PFKP: variants seen among roughly 807,000 people sequenced by gnomAD.
The protein encoded by PFKP is ATP-dependent 6-phosphofructokinase, platelet type.
In PFKP, 101 loss-of-function variants were observed where a neutral mutation model predicts 94.3. That is an observed-to-expected ratio of 1.07 (90% CI 0.91 to 1.26). The LOEUF (loss-of-function observed/expected upper bound fraction) is 1.26. Ranked by LOEUF, PFKP falls within the 50% of genes most tolerant of loss-of-function variation. The probability of loss-of-function intolerance (pLI) is 0.00; values close to 1 mark genes in which losing one functional copy is unlikely to be tolerated. For synonymous variants in PFKP, 573 were observed against 432.6 expected (o/e 1.32, Z -4.03); for missense variants, 1,145 against 1,103.3 (o/e 1.04, Z -0.53).
intron 1 of PFKP, 128 bp from the exon 2 acceptor site, chr10:3,082,260 C>T: frequency 1.7e-6 from 1 of 582,616 alleles, no homozygotes; most frequent in Non-Finnish European, 3.1e-6. Flanking sequence ...AGTGTGTGTA[C>T]CCATTTCTCA....
intron 16 of PFKP, among the ~76,000 whole-genome samples, chr10:3,125,917 C>G (rs79981427): frequency 6.6e-6 from 1 of 152,212 alleles, no homozygotes; most frequent in Non-Finnish European, 1.5e-5. Context: ...GCAGACAGGA[C>G]GGTGGCCACC....
intron 10 of PFKP, among the ~76,000 whole-genome samples, chr10:3,111,553 T>C (rs7922072): frequency 0.35 from 53,409 of 151,938 alleles, 9,551 homozygotes; most frequent in East Asian, 0.49. Flanking sequence ...ACCACTACTG[T>C]GCACCTGCTG....
At chr10:3,098,263 T>C (rs1187861880) in intron 2 of PFKP, among the ~76,000 whole-genome samples, 1 of 152,172 alleles carries the variant, frequency 6.6e-6, no homozygotes, top group East Asian at 1.9e-4. Context: ...AGTTATTCCT[T>C]CTTAAGATTA....
In PFKP at chr10:3,129,846, A is replaced by G; in HGVS notation, c.1711A>G (p.Ser571Gly). 6.2e-7 allele frequency: 1 copy of G among 1,613,594 alleles called. No individual in the cohort carries two copies. The highest frequency in any genetic ancestry group is 8.5e-7 in the Non-Finnish European group (1 of 1,179,978). The change falls in exon 17 of 22, where the codon AGC becomes GGC. Residue 571 changes from serine to glycine, a missense_variant. Coordinates refer to ENST00000381125, the MANE Select transcript of PFKP (RefSeq NM_002627.5). ...DTCDRIKQSA[S>G]GTKRRVFIIE... ...CTGCGACCGCATCAAGCAGTCCGCC[A>G]GCGGAACCAAGCGGCGCGTGTTCAT...
chr10:3,072,004 C>G (rs1832233613), intron 1 of PFKP, among the ~76,000 whole-genome samples: 2 of 152,192 alleles, frequency 1.3e-5, no homozygotes, highest in African/African-American at 4.8e-5. Flanking sequence ...GCTGCGCGTA[C>G]CTGCGTCTTC....
At chr10:3,124,826 C>G (rs971407921) in intron 16 of PFKP, among the ~76,000 whole-genome samples, 1 of 142,672 alleles carries the variant, frequency 7.0e-6, no homozygotes, top group Non-Finnish European at 1.5e-5. Context: ...GCAACCTGCT[C>G]CGTTGCCTGC....
chr10:3,072,818 A>G (rs953599069), intron 1 of PFKP, among the ~76,000 whole-genome samples: 1 of 151,958 alleles, frequency 6.6e-6, no homozygotes, highest in Non-Finnish European at 1.5e-5. Context: ...AAAGGTGAAG[A>G]TACGGTAACG....
intron 16 of PFKP, among the ~76,000 whole-genome samples, chr10:3,123,029 C>T (rs769437868): frequency 2.4e-4 from 37 of 152,282 alleles, no homozygotes; most frequent in East Asian, 5.8e-4. Flanking sequence ...TGGACACGTG[C>T]GTCCTCGTCC....
At chr10:3,123,821 G>T (rs1178375680) in intron 16 of PFKP, among the ~76,000 whole-genome samples, 1 of 152,270 alleles carries the variant, frequency 6.6e-6, no homozygotes, top group Non-Finnish European at 1.5e-5. Context: ...TGCAAAAACT[G>T]CCATGGCCAG....
intron 4 of PFKP, 101 bp from the exon 5 acceptor site, chr10:3,103,678 T>G: frequency 1.8e-6 from 2 of 1,139,742 alleles, no homozygotes; most frequent in Non-Finnish European, 1.3e-6. Context: ...TTAGAATGGT[T>G]GATTTCTCTA....
In PFKP at chr10:3,082,419, C is replaced by T. The variant is rs781469810; in HGVS notation, c.144C>T (p.Arg48=). The part of the protein sequence containing the change: ...GMNAAVRAVV[R]MGIYVGAKVY... Reference sequence around the variant, plus strand: ...ACGCTGCCGTCCGTGCCGTGGTGCGCATGGGTATCTACGTGGGGGCCAAGG... The same window carrying T: ...ACGCTGCCGTCCGTGCCGTGGTGCGTATGGGTATCTACGTGGGGGCCAAGG... The change falls in exon 2 of 22, where the codon CGC becomes CGT. Residue 48 remains arginine (R), a synonymous_variant. Coordinates refer to ENST00000381125, the MANE Select transcript of PFKP (RefSeq NM_002627.5). 1.2e-6 allele frequency: 2 copies of T among 1,608,558 alleles called. No individual in the cohort carries two copies. The highest frequency in any genetic ancestry group is 1.7e-6 in the Non-Finnish European group (2 of 1,176,430).
chr10:3,125,066 C>T, intron 16 of PFKP: 1 of 1,202,588 alleles, frequency 8.3e-7, no homozygotes, highest in Non-Finnish European at 1.1e-6. Context: ...CACCCGGCAC[C>T]CCCGCTAACC....
rs1333731627 is a variant in PFKP, at chr10:3,096,440, T to C, written c.187-2835T>C. On this transcript the variant is annotated intron_variant, in intron 2 of 21. Coordinates refer to ENST00000381125, the MANE Select transcript of PFKP (RefSeq NM_002627.5). ...GCTCTGGGTGTGGGAATGTAGGAAC[T>C]GTCTGTTTCAGTTTTGCCGGAGCCC... Among the ~76,000 whole-genome samples, 3 of 152,272 alleles carry C rather than the reference T, an allele frequency of 2.0e-5. No homozygotes were observed. The East Asian group carries it at 5.8e-4, about 29-fold the overall frequency.
Position 3,133,192 on chromosome 10 carries a change from G to C in PFKP, c.1911-11G>C. Reference sequence around the variant, plus strand: ...ACGCTAAACAAAGTGACTCCTTCTCGCTCGTTTCAGAAATGAGAGCTGCAG... The same window carrying C: ...ACGCTAAACAAAGTGACTCCTTCTCCCTCGTTTCAGAAATGAGAGCTGCAG... On this transcript the variant is annotated splice_polypyrimidine_tract_variant and intron_variant, in intron 18 of 21. Coordinates refer to ENST00000381125, the MANE Select transcript of PFKP (RefSeq NM_002627.5). 1 of 1,604,234 alleles carries C rather than the reference G, an allele frequency of 6.2e-7. No individual in the cohort carries two copies. The highest frequency in any genetic ancestry group is 8.5e-7 in the Non-Finnish European group (1 of 1,171,150).
chr10:3,105,234 C>G, intron 6 of PFKP, 75 bp downstream of exon 6: 1 of 1,437,932 alleles, frequency 7.0e-7, no homozygotes, highest in Non-Finnish European at 9.8e-7. Context: ...GAGGCTGCAC[C>G]CCACATCCTG....
At chr10:3,135,686 C>T (rs2306318) in intron 20 of PFKP, 50 bp from the exon 21 acceptor site, 153,970 of 1,127,028 alleles carry the variant, frequency 0.14, 11,067 homozygotes, top group African/African-American at 0.16. Context: ...TGCTCCCCCA[C>T]CTGCCCATGT....
rs752896515 is a variant in PFKP, at chr10:3,109,387, C to G, written c.996C>G (p.Ala332=). The part of the protein sequence containing the change: ...ASRMGVEAVI[A]LLEATPDTPA... ...GCATGGGAGTGGAGGCAGTCATCGC[C>G]TTGCTAGAGGCCACCCCGGACACCC... is the stretch of plus-strand genomic sequence containing the variant. The change falls in exon 10 of 22, where the codon GCC becomes GCG. Residue 332 remains alanine (A), a synonymous_variant. Transcript: ENST00000381125. 1.2e-6 allele frequency: 2 copies of G among 1,610,698 alleles called. No individual in the cohort carries two copies. Among genetic ancestry groups the G allele is most frequent in the South Asian group, 2.2e-5 (2 of 91,090 alleles).
chr10:3,123,108 G>A (rs1461030738), intron 16 of PFKP, among the ~76,000 whole-genome samples: 1 of 152,180 alleles, frequency 6.6e-6, no homozygotes, highest in African/African-American at 2.4e-5. Flanking sequence ...GCTGGTGAGT[G>A]GTCCTCCGGG....
At chr10:3,106,483 C>T (rs893247794) in intron 7 of PFKP, among the ~76,000 whole-genome samples, 2 of 151,766 alleles carry the variant, frequency 1.3e-5, no homozygotes, top group African/African-American at 4.8e-5. Flanking sequence ...CACACCAGCA[C>T]CCTCCACCTG....
Sources: allele counts gnomAD v4.1 joint callset (sites outside exome capture counted in the v4.1 genomes callset), GRCh38; gene constraint gnomAD v4.1.1; transcripts MANE v1.5; gene names NCBI Gene and HGNC (gene_info 2026-07-23, HGNC 2026-07-21).